SPSB1: variants seen among roughly 807,000 people sequenced by gnomAD.
The protein encoded by SPSB1 is splA/ryanodine receptor domain and SOCS box containing 1.
SPSB1 carries 8 observed loss-of-function variants against 21.2 expected under a neutral mutation model. The observed-to-expected ratio is 0.38, with a 90% CI of 0.22 to 0.68. The LOEUF (loss-of-function observed/expected upper bound fraction) is 0.68. Among genes scored for constraint, SPSB1 ranks in the 30% least tolerant of loss-of-function variants. SPSB1 has a pLI of 0.53. For missense variants in SPSB1, 242 were observed against 377.8 expected, an observed-to-expected ratio of 0.64 and a Z score of 2.98; for synonymous variants, 169 against 161.7, an observed-to-expected ratio of 1.05 and a Z score of -0.34.
At chr1:9,329,204 G>C (rs1639873573) in intron 1 of SPSB1, among the ~76,000 whole-genome samples, 1 of 152,176 alleles carries the variant, frequency 6.6e-6, no homozygotes. Flanking sequence ...CAGTCTGCAT[G>C]GGGCCCGAGC....
chr1:9,303,016 G>A (rs892114854), intron 1 of SPSB1, among the ~76,000 whole-genome samples: 1 of 152,116 alleles, frequency 6.6e-6, no homozygotes. Context: ...CCATTGAACG[G>A]GGGGTAAGGC....
chr1:9,312,419 C>CA (rs1639535252), intron 1 of SPSB1, among the ~76,000 whole-genome samples: 1 of 152,054 alleles, frequency 6.6e-6, no homozygotes, highest in South Asian at 2.1e-4. Context: ...TCGTAACAGC[C>CA]CTGTGGAGGT....
intron 1 of SPSB1, among the ~76,000 whole-genome samples, chr1:9,334,498 G>A (rs1639972605): frequency 6.6e-6 from 1 of 152,194 alleles, no homozygotes; most frequent in Middle Eastern, 3.2e-3. Context: ...TGGAATTACA[G>A]GCGTGAGCCA....
At chr1:9,359,431 C>T (rs997429037) in intron 2 of SPSB1, among the ~76,000 whole-genome samples, 8 of 152,058 alleles carry the variant, frequency 5.3e-5, no homozygotes, top group South Asian at 2.1e-4. Context: ...CGGCTGGGCG[C>T]GGTGGCTCAT....
chr1:9,325,232 C>G (rs1402120363), intron 1 of SPSB1, among the ~76,000 whole-genome samples: 2 of 150,296 alleles, frequency 1.3e-5, no homozygotes, highest in African/African-American at 5.0e-5. Flanking sequence ...ACCACCCCCC[C>G]CCCCCGCCCC....
intron 1 of SPSB1, among the ~76,000 whole-genome samples, chr1:9,302,779 A>G (rs769246629): frequency 1.3e-5 from 2 of 152,170 alleles, no homozygotes; most frequent in East Asian, 1.9e-4. Context: ...AAAAGGCTCT[A>G]TGTACTCTGT....
chr1:9,327,207 C>T (rs1639830227), intron 1 of SPSB1, among the ~76,000 whole-genome samples: 1 of 152,192 alleles, frequency 6.6e-6, no homozygotes, highest in East Asian at 1.9e-4. Flanking sequence ...ACGATGATCC[C>T]CCTGAGTATG....
Position 9,355,667 on chromosome 1 carries a change from C to T in SPSB1, c.-149-76C>T, listed in dbSNP as rs1006993051. ...GGCTGCTGGGACATGCTGATGTGGT[C>T]GCCTTGCCCTCCGGGTTAACTTTCC... On this transcript the variant is annotated intron_variant, in intron 1 of 2. Coordinates refer to ENST00000328089, the MANE Select transcript of SPSB1 (RefSeq NM_025106.4). The T allele has an allele frequency of 5.5e-6, 7 of 1,276,444 alleles. No homozygotes were observed. In the African/African-American group the frequency reaches 9.1e-5, roughly 17 times the overall value. 79.1% of individuals were successfully genotyped at this position (1,276,444 alleles called of 1,614,324 possible).
chr1:9,303,551 A>G (rs1639366858), intron 1 of SPSB1, among the ~76,000 whole-genome samples: 1 of 152,222 alleles, frequency 6.6e-6, no homozygotes, highest in Non-Finnish European at 1.5e-5. Context: ...TTCTTAGAAC[A>G]TGTGTTGAGT....
At chr1:9,339,239 A>G (rs938865181) in intron 1 of SPSB1, 6 of 985,274 alleles carry the variant, frequency 6.1e-6, no homozygotes, top group Non-Finnish European at 7.2e-6. Context: ...GCACTTGCCT[A>G]GAATATTCGA....
chr1:9,320,823 G>A (rs1639710267), intron 1 of SPSB1, among the ~76,000 whole-genome samples: 1 of 152,168 alleles, frequency 6.6e-6, no homozygotes, highest in Non-Finnish European at 1.5e-5. Context: ...TGTCACTGGT[G>A]GTTTGGAAGC....
rs1339018390 is a variant in SPSB1, at chr1:9,345,891, A to G, written c.-149-9852A>G. The stretch of plus-strand genomic sequence containing the variant: ...TTGAGGGGTCCCTCCTCAAGTTGGC[A>G]GTTGGCAGGGTGAGGGGTGGAGGGT... On this transcript the variant is annotated intron_variant, in intron 1 of 2. Transcript: ENST00000328089. The surrounding 1 kb of genome is among the most constrained non-coding windows in gnomAD (Gnocchi z 4.8). Among the ~76,000 whole-genome samples the G allele has an allele frequency of 6.6e-6, 1 of 152,142 alleles. No individual in the cohort carries two copies. The highest frequency in any genetic ancestry group is 2.4e-5 in the African/African-American group (1 of 41,416).
At chr1:9,349,636 A>G (rs1174667747) in intron 1 of SPSB1, among the ~76,000 whole-genome samples, 1 of 152,234 alleles carries the variant, frequency 6.6e-6, no homozygotes, top group East Asian at 1.9e-4. Flanking sequence ...AGCGAGTGTC[A>G]GGGAACTCGT....
chr1:9,352,335 G>T (rs1048945516), intron 1 of SPSB1, among the ~76,000 whole-genome samples: 1 of 152,264 alleles, frequency 6.6e-6, no homozygotes, highest in African/African-American at 2.4e-5. Context: ...CCCACCATCC[G>T]GATAATGCCT....
At chr1:9,365,038 G>T (rs958127916) in intron 2 of SPSB1, among the ~76,000 whole-genome samples, 23 of 152,148 alleles carry the variant, frequency 1.5e-4, no homozygotes, top group Non-Finnish European at 5.9e-5. Flanking sequence ...ACTAATTTTA[G>T]TAGAGATGAG....
Position 9,369,382 on chromosome 1 carries a change from A to AC in SPSB1, c.*1813dup, listed in dbSNP as rs1410371486. 7 of 150,474 alleles carry AC rather than the reference A, an allele frequency of 4.7e-5. No homozygotes were observed. In the East Asian group the frequency reaches 7.8e-4, roughly 17 times the overall value. The allele number at this position is 150,474 out of a possible 1,614,324, so 9.3% of individuals were successfully genotyped here. On this transcript the variant is annotated 3_prime_UTR_variant, in exon 3 of 3. Coordinates refer to ENST00000328089, the MANE Select transcript of SPSB1 (RefSeq NM_025106.4). ...CCCTCTAGCTCTCTCTGCATCTCCC[A>AC]CCCCCCGACACCCTGGGACCCTCGA... is the stretch of plus-strand genomic sequence containing the variant.
At chr1:9,294,765 G>A (rs1639181922) in intron 1 of SPSB1, among the ~76,000 whole-genome samples, 2 of 152,106 alleles carry the variant, frequency 1.3e-5, no homozygotes. Context: ...TTCTCATCGT[G>A]GGGTGTGAGG....
intron 1 of SPSB1, among the ~76,000 whole-genome samples, chr1:9,352,247 C>T (rs568911885): frequency 6.6e-6 from 1 of 152,302 alleles, no homozygotes; most frequent in South Asian, 2.1e-4. Context: ...AGTGGATGTC[C>T]CACGTCAAGG....
chr1:9,331,728 C>T (rs769821426), intron 1 of SPSB1, among the ~76,000 whole-genome samples: 1 of 152,298 alleles, frequency 6.6e-6, no homozygotes, highest in African/African-American at 2.4e-5. Context: ...CCACCAGCCA[C>T]GTTGGTACTT....
Sources: allele counts gnomAD v4.1 joint callset (sites outside exome capture counted in the v4.1 genomes callset), GRCh38; gene constraint gnomAD v4.1.1; non-coding constraint Gnocchi (gnomAD v3.1); transcripts MANE v1.5; gene names NCBI Gene and HGNC (gene_info 2026-07-23, HGNC 2026-07-21).